The following ZBTB20 variants were observed in gnomAD, a reference collection of about 807,000 sequenced individuals.
ZBTB20 encodes the protein zinc finger and BTB domain containing 20.
ZBTB20 carries 9 observed loss-of-function variants against 56.9 expected under a neutral mutation model. The ratio of observed to expected loss-of-function variants is 0.16; its 90% CI spans 0.10 to 0.28. ZBTB20 has a LOEUF of 0.28. Ranked by LOEUF, ZBTB20 falls within the 10% of genes least tolerant of loss-of-function variation. ZBTB20 has a pLI of 1.00. For synonymous variants in ZBTB20, 417 were observed against 420.7 expected (o/e 0.99, Z 0.11); for missense variants, 655 against 1,003.0 (o/e 0.65, Z 4.69).
At chr3:114,682,981 T>G (rs866590353) in intron 6 of ZBTB20, among the ~76,000 whole-genome samples, 59 of 152,328 alleles carry the variant, frequency 3.9e-4, no homozygotes, top group African/African-American at 1.2e-3. Flanking sequence ...ATTCTGTAGT[T>G]GTCAATAGTT....
At chr3:114,595,741 T>C (rs1470515417) in intron 6 of ZBTB20, among the ~76,000 whole-genome samples, 1 of 152,234 alleles carries the variant, frequency 6.6e-6, no homozygotes, top group Non-Finnish European at 1.5e-5. Context: ...TGGTATTTGG[T>C]AAGCTCTCAT....
At chr3:114,868,841 T>C (rs2075875815) in intron 4 of ZBTB20, among the ~76,000 whole-genome samples, 1 of 152,116 alleles carries the variant, frequency 6.6e-6, no homozygotes, top group African/African-American at 2.4e-5. Context: ...CAACTCAATA[T>C]AACAATACTG....
intron 3 of ZBTB20, among the ~76,000 whole-genome samples, chr3:114,946,295 T>A (rs570830898): frequency 6.9e-6 from 1 of 145,836 alleles, no homozygotes; most frequent in East Asian, 1.9e-4. Flanking sequence ...TTTCAAAGTA[T>A]TTATATCATA....
chr3:114,573,532 A>G (rs1277429470), intron 6 of ZBTB20, among the ~76,000 whole-genome samples: 1 of 151,274 alleles, frequency 6.6e-6, no homozygotes, highest in Non-Finnish European at 1.5e-5. Context: ...AGAGAGAGAG[A>G]AAGAGAGAAA....
At chr3:114,938,300 G>A (rs574726542) in intron 3 of ZBTB20, among the ~76,000 whole-genome samples, 25 of 145,664 alleles carry the variant, frequency 1.7e-4, no homozygotes, top group Non-Finnish European at 2.5e-4. Context: ...TGTCATTTTG[G>A]CTTTTGTTGC....
chr3:115,122,268 A>G (rs2084204210), intron 1 of ZBTB20, among the ~76,000 whole-genome samples: 1 of 152,112 alleles, frequency 6.6e-6, no homozygotes, highest in African/African-American at 2.4e-5. Context: ...TGAAATAACT[A>G]GTGAGGCCCA....
chr3:115,031,512 C>A (rs114537554), intron 2 of ZBTB20, among the ~76,000 whole-genome samples: 1 of 151,382 alleles, frequency 6.6e-6, no homozygotes, highest in African/African-American at 2.4e-5. Flanking sequence ...TTCCAAGGAG[C>A]TATTTGACCT....
In ZBTB20 at chr3:114,796,402, T is replaced by C. The variant is rs528934529; in HGVS notation, c.-343+4699A>G. ...AAGAAATGGGATCAGAGTTAGATTT[T>C]AGGATGTCATGTATATTGATTAGGG... On this transcript the variant is annotated intron_variant, in intron 5 of 11. Transcript: ENST00000675478. Among the ~76,000 whole-genome samples, 7 of 152,118 alleles carry C rather than the reference T, an allele frequency of 4.6e-5. No individual in the cohort carries two copies. In the South Asian group the frequency reaches 1.5e-3, roughly 32 times the overall value.
chr3:114,478,095 T>C lies in ZBTB20; in HGVS notation c.-255+22257A>G, dbSNP rs142777751. On this transcript the variant is annotated intron_variant, in intron 7 of 11. Coordinates refer to ENST00000675478, the MANE Select transcript of ZBTB20 (RefSeq NM_001348800.3). ...TCCTGGGTTCATGAGTTCTCCTGAG[T>C]AGCTGGGATTACAGGCATGCGCCAC... 4.0e-5 allele frequency among the ~76,000 whole-genome samples: 6 copies of C among 151,896 alleles called. No homozygotes were observed. The East Asian group carries it at 9.8e-4, about 25-fold the overall frequency.
chr3:114,480,944 C>A (rs1248206684), intron 7 of ZBTB20, among the ~76,000 whole-genome samples: 1 of 151,342 alleles, frequency 6.6e-6, no homozygotes, highest in Non-Finnish European at 1.5e-5. Context: ...TCATAAAGGA[C>A]AAGTTTAGGA....
chr3:114,656,023 A>G (rs1346008216), intron 6 of ZBTB20, among the ~76,000 whole-genome samples: 4 of 152,224 alleles, frequency 2.6e-5, no homozygotes, highest in Non-Finnish European at 5.9e-5. Context: ...TAGGAATTCC[A>G]CTGACAACAG....
intron 5 of ZBTB20, among the ~76,000 whole-genome samples, chr3:114,766,869 T>C (rs1190111844): frequency 6.6e-6 from 1 of 152,040 alleles, no homozygotes; most frequent in Non-Finnish European, 1.5e-5. Context: ...CATAATCACC[T>C]TTTTCTTTCT....
intron 4 of ZBTB20, among the ~76,000 whole-genome samples, chr3:114,849,443 T>A (rs1460078434): frequency 6.6e-6 from 1 of 152,212 alleles, no homozygotes; most frequent in Non-Finnish European, 1.5e-5. Flanking sequence ...TCTGTGACCA[T>A]GAGTAAATCA....
At chr3:114,908,295 A>C (rs75368892) in intron 3 of ZBTB20, among the ~76,000 whole-genome samples, 3,428 of 152,100 alleles carry the variant, frequency 0.023, 47 homozygotes, top group South Asian at 0.05. Context: ...AAATACATAA[A>C]AGTTTTAAAA....
intron 4 of ZBTB20, among the ~76,000 whole-genome samples, chr3:114,844,642 T>C (rs986785799): frequency 5.4e-5 from 8 of 149,294 alleles, no homozygotes; most frequent in Admixed American, 6.7e-5. Context: ...TGTCAGACTG[T>C]CTCTAAAGTG....
intron 5 of ZBTB20, among the ~76,000 whole-genome samples, chr3:114,706,832 TG>T (rs1162993532): frequency 6.6e-6 from 1 of 151,396 alleles, no homozygotes; most frequent in Non-Finnish European, 1.5e-5. Flanking sequence ...GTTAGAGGGG[TG>T]GGGTGAAGAG....
chr3:114,741,583 C>G (rs771926287), intron 5 of ZBTB20, among the ~76,000 whole-genome samples: 1 of 152,020 alleles, frequency 6.6e-6, no homozygotes, highest in Non-Finnish European at 1.5e-5. Context: ...TTCTCTACGA[C>G]ATACAGAAGA....
chr3:115,044,871 T>C (rs2081279201), intron 2 of ZBTB20, among the ~76,000 whole-genome samples: 2 of 152,204 alleles, frequency 1.3e-5, no homozygotes, highest in South Asian at 4.1e-4. Flanking sequence ...TCCAGAACAA[T>C]GACTGGCTCA....
chr3:114,956,995 G>A (rs1033788193), intron 3 of ZBTB20, among the ~76,000 whole-genome samples: 5 of 152,130 alleles, frequency 3.3e-5, no homozygotes, highest in Non-Finnish European at 7.3e-5. Context: ...AGAGTTTTCT[G>A]TTTCCCTTCC....
Sources: gnomAD v4.1 joint callset for allele counts (sites outside exome capture counted in the v4.1 genomes callset) on GRCh38, gnomAD v4.1.1 for gene constraint, MANE v1.5 for transcripts, NCBI Gene and HGNC (gene_info 2026-07-23, HGNC 2026-07-21) for gene names.